The following MYOM1 variants were observed in gnomAD, a reference collection of about 807,000 sequenced individuals.
MYOM1 encodes the protein myomesin-1.
A neutral mutation model predicts 205.3 loss-of-function variants in MYOM1; 164 were observed. The ratio of observed to expected loss-of-function variants is 0.80; its 90% CI spans 0.70 to 0.91. The LOEUF is 0.91. MYOM1 is among the 40% of genes least tolerant of loss of function. The probability of loss-of-function intolerance (pLI) is 0.00; values close to 1 mark genes in which losing one functional copy is unlikely to be tolerated. For missense variants in MYOM1, 2,011 were observed against 2,127.3 expected (o/e 0.95, Z 1.08); for synonymous variants, 772 against 789.4 (o/e 0.98, Z 0.37).
chr18:3,066,989 T>C lies in MYOM1; in HGVS notation c.*273A>G, dbSNP rs552448283. 529 of 410,974 alleles carry C rather than the reference T, an allele frequency of 1.3e-3. 5 individuals carry two copies. The South Asian group carries it at 0.014, about 11-fold the overall frequency. The allele number at this position is 410,974 out of a possible 1,614,324, so 25.5% of individuals were successfully genotyped here. Reference sequence around the variant, plus strand: ...CGTCTGCCCTCTGACCATCATTCAATGTCCCTCCAACTTCATTCAAGTCTT... The same window carrying C: ...CGTCTGCCCTCTGACCATCATTCAACGTCCCTCCAACTTCATTCAAGTCTT... On this transcript the variant is annotated 3_prime_UTR_variant, in exon 38 of 38. Transcript: ENST00000356443.
the MYOM1 span, among the ~76,000 whole-genome samples, chr18:3,242,885 C>CT: frequency 6.6e-6 from 1 of 152,106 alleles, no homozygotes; most frequent in Non-Finnish European, 1.5e-5. Context: ...ATCCTTATTC[C>CT]TTTTTTTGTT....
rs569145450 is a variant in MYOM1, at chr18:3,164,978, C to G, written c.1340-539G>C. Among the ~76,000 whole-genome samples, 9 of 152,242 alleles carry G rather than the reference C, an allele frequency of 5.9e-5. No individual in the cohort carries two copies. The East Asian group carries it at 1.7e-3, about 29-fold the overall frequency. On this transcript the variant is annotated intron_variant, in intron 9 of 37. Transcript: ENST00000356443. ...ATATAATCAAAAGCAACATCAGTAACTATTTATAAATGCAAGCTCATGAAT... is the reference window on the plus strand; with the variant it reads ...ATATAATCAAAAGCAACATCAGTAAGTATTTATAAATGCAAGCTCATGAAT...
intron 14 of MYOM1, among the ~76,000 whole-genome samples, chr18:3,140,404 CAA>C (rs34922897): frequency 1.5e-4 from 18 of 118,446 alleles, no homozygotes; most frequent in Admixed American, 1.7e-4. Context: ...GAGGCTGTCT[CAA>C]AAAAAAAAAA....
intron 25 of MYOM1, 49 bp from the exon 26 acceptor site, chr18:3,094,355 A>T: frequency 3.0e-5 from 35 of 1,165,308 alleles, no homozygotes; most frequent in Non-Finnish European, 3.9e-5. Context: ...AACCAATTAT[A>T]TTGGTACTCA....
chr18:3,112,635 A>G (rs573848904), intron 21 of MYOM1, among the ~76,000 whole-genome samples: 1 of 152,330 alleles, frequency 6.6e-6, no homozygotes, highest in East Asian at 1.9e-4. Context: ...GGAGTTTCCA[A>G]TATCCATTCT....
chr18:3,121,709 G>A (rs1342375707), intron 19 of MYOM1, among the ~76,000 whole-genome samples: 1 of 152,124 alleles, frequency 6.6e-6, no homozygotes, highest in Non-Finnish European at 1.5e-5. Flanking sequence ...ACTTTAAGTT[G>A]CACAGTCACC....
At chr18:3,229,406 A>G in the MYOM1 span, among the ~76,000 whole-genome samples, 2 of 152,020 alleles carry the variant, frequency 1.3e-5, no homozygotes, top group Non-Finnish European at 2.9e-5. Context: ...AAAACCTCTT[A>G]GGTCTCTTTC....
At chr18:3,098,154 G>A (rs937292967) in intron 25 of MYOM1, among the ~76,000 whole-genome samples, 6 of 152,200 alleles carry the variant, frequency 3.9e-5, no homozygotes, top group African/African-American at 7.2e-5. Flanking sequence ...AGACTTCTGC[G>A]TTGGGCAGCA....
Position 3,101,767 on chromosome 18 carries a change from T to C in MYOM1, c.3575+707A>G, listed in dbSNP as rs368363234. ...TTATTAAAGCTGATCTTTATGTCAA[T>C]TGAATGTTTCTAATAGCATAAATGA... On this transcript the variant is annotated intron_variant, in intron 23 of 37. Transcript: ENST00000356443. 7.6e-4 allele frequency among the ~76,000 whole-genome samples: 116 copies of C among 152,290 alleles called. No homozygotes were observed. The South Asian group carries it at 0.018, about 23-fold the overall frequency.
intron 11 of MYOM1, among the ~76,000 whole-genome samples, chr18:3,153,664 G>C (rs1294763487): frequency 6.6e-6 from 1 of 152,170 alleles, no homozygotes; most frequent in Non-Finnish European, 1.5e-5. Flanking sequence ...CACATGGATG[G>C]TTAAATAGTA....
intron 22 of MYOM1, among the ~76,000 whole-genome samples, chr18:3,107,896 A>G (rs1426863988): frequency 6.6e-6 from 1 of 152,222 alleles, no homozygotes; most frequent in Admixed American, 6.5e-5. Flanking sequence ...GGAGGTTACA[A>G]GACAGGTGTA....
chr18:3,199,772 G>A (rs1300392821), intron 2 of MYOM1, among the ~76,000 whole-genome samples: 1 of 152,098 alleles, frequency 6.6e-6, no homozygotes, highest in Non-Finnish European at 1.5e-5. Flanking sequence ...CCCGGGAGGT[G>A]GAGGTTGCAG....
At chr18:3,184,653 G>T (rs1210673527) in intron 5 of MYOM1, among the ~76,000 whole-genome samples, 1 of 152,136 alleles carries the variant, frequency 6.6e-6, no homozygotes, top group Non-Finnish European at 1.5e-5. Context: ...AAGCCTTGTT[G>T]TTCGTTTGTT....
chr18:3,168,716 C>A, intron 9 of MYOM1, 101 bp downstream of exon 9: 1 of 1,248,740 alleles, frequency 8.0e-7, no homozygotes, highest in South Asian at 1.4e-5. Flanking sequence ...AAGGTAGTCC[C>A]TTCTAACTTC....
chr18:3,195,230 C>T lies in MYOM1; in HGVS notation c.291-1272G>A, dbSNP rs543855395. On this transcript the variant is annotated intron_variant, in intron 2 of 37. Transcript: ENST00000356443. Reference sequence around the variant, plus strand: ...GGCCCCTTGAATCCTCCAGGGAGGTCGCATGGAAATGGCCAAACTCTTCCT... The same window carrying T: ...GGCCCCTTGAATCCTCCAGGGAGGTTGCATGGAAATGGCCAAACTCTTCCT... Among the ~76,000 whole-genome samples the T allele has an allele frequency of 1.1e-4, 17 of 152,326 alleles. 1 individual carries two copies. The highest frequency in any genetic ancestry group is 3.6e-4 in the African/African-American group (15 of 41,580).
chr18:3,156,900 C>T (rs946350030), intron 10 of MYOM1, among the ~76,000 whole-genome samples: 4 of 152,160 alleles, frequency 2.6e-5, no homozygotes, highest in African/African-American at 7.2e-5. Context: ...TGAGCCACCG[C>T]GCCCGGCGAG....
Position 3,209,212 on chromosome 18 carries a change from G to A in MYOM1, c.290+5722C>T, listed in dbSNP as rs2081163190. On this transcript the variant is annotated intron_variant, in intron 2 of 37. Transcript: ENST00000356443. The surrounding 1 kb of genome is among the most constrained non-coding windows in gnomAD (Gnocchi z 4.0). The stretch of plus-strand genomic sequence containing the variant: ...GAGAGTCTCAGAAGATTCATTGTAT[G>A]CGCAAAATCTCCACAGACCATTTCA... Among the ~76,000 whole-genome samples the A allele has an allele frequency of 6.6e-6, 1 of 152,176 alleles. No homozygotes were observed.
At chr18:3,147,062 AATAT>A (rs1467889354) in intron 13 of MYOM1, among the ~76,000 whole-genome samples, 1 of 146,206 alleles carries the variant, frequency 6.8e-6, no homozygotes, top group Non-Finnish European at 1.5e-5. Flanking sequence ...ATTATATATA[AATAT>A]ATATCTTATA....
chr18:3,068,812 T>G (rs532198480), intron 37 of MYOM1, among the ~76,000 whole-genome samples: 6 of 152,356 alleles, frequency 3.9e-5, no homozygotes, highest in African/African-American at 1.2e-4. Flanking sequence ...TGCACTAAGT[T>G]GCTATGAACA....
Sources: gnomAD v4.1 joint callset for allele counts (sites outside exome capture counted in the v4.1 genomes callset) on GRCh38, gnomAD v4.1.1 for gene constraint, Gnocchi (gnomAD v3.1) non-coding constraint, MANE v1.5 for transcripts, NCBI Gene and HGNC (gene_info 2026-07-23, HGNC 2026-07-21) for gene names.